The following UHMK1 variants were observed in gnomAD, a reference collection of about 807,000 sequenced individuals.
UHMK1 encodes the protein serine/threonine-protein kinase Kist.
Under a neutral mutation model 44.0 loss-of-function variants are expected in UHMK1, and 18 were observed. That is an observed-to-expected ratio of 0.41 (90% confidence interval 0.28 to 0.61). UHMK1 has a LOEUF of 0.61. Among genes scored for constraint, UHMK1 ranks in the 20% least tolerant of loss-of-function variants. UHMK1 has a pLI of 0.31. For missense variants in UHMK1, 463 were observed against 522.5 expected (o/e 0.89, Z 1.11); for synonymous variants, 231 against 198.5 (o/e 1.16, Z -1.38).
At chr1:162,516,332 G>A (rs939407797) in intron 6 of UHMK1, among the ~76,000 whole-genome samples, 9 of 152,144 alleles carry the variant, frequency 5.9e-5, no homozygotes, top group South Asian at 2.1e-4. Flanking sequence ...CAGCTGTCTT[G>A]TAATCTTGAT....
rs897861669 is a variant in UHMK1, at chr1:162,523,010, T to C, written c.*460T>C. The C allele has an allele frequency of 1.3e-5, 2 of 157,592 alleles. No homozygotes were observed. Among genetic ancestry groups the C allele is most frequent in the African/African-American group, 4.8e-5 (2 of 41,456 alleles). 9.8% of individuals were successfully genotyped at this position (157,592 alleles called of 1,614,324 possible). A position where few individuals can be genotyped will look rare whatever the true frequency, so the allele number is the denominator to read the frequency against. On this transcript the variant is annotated 3_prime_UTR_variant, in exon 8 of 8. Transcript: ENST00000489294. ...TGGCACTGGATGCTCTCAGTAATGT[T>C]AAGTAATTGTCAAGCAGCAGTTACC...
chr1:162,527,857 C>A lies in UHMK1; in HGVS notation c.*5307C>A, dbSNP rs1652303848. 1 of 151,158 alleles carries A rather than the reference C, an allele frequency of 6.6e-6. No individual in the cohort carries two copies. Among genetic ancestry groups the A allele is most frequent in the East Asian group, 1.9e-4 (1 of 5,150 alleles). The allele number at this position is 151,158 out of a possible 1,614,324, so 9.4% of individuals were successfully genotyped here. On this transcript the variant is annotated 3_prime_UTR_variant, in exon 8 of 8. Transcript: ENST00000489294. The stretch of plus-strand genomic sequence containing the variant: ...TAATCGTTTTTTGTGCAGAAGAGAG[C>A]TTATTTTGTTATACTGCTTTGTATA...
intron 6 of UHMK1, among the ~76,000 whole-genome samples, chr1:162,513,487 G>T (rs568157404): frequency 6.6e-6 from 1 of 152,160 alleles, no homozygotes; most frequent in African/African-American, 2.4e-5. Flanking sequence ...GTATAGTAGG[G>T]GATACGGCTA....
intron 7 of UHMK1, among the ~76,000 whole-genome samples, chr1:162,519,425 A>G (rs1318450286): frequency 6.6e-6 from 1 of 152,170 alleles, no homozygotes; most frequent in Non-Finnish European, 1.5e-5. Context: ...TTAGAAAGCC[A>G]ATTAGGTTAG....
chr1:162,499,513 C>T (rs1451744704), intron 1 of UHMK1, among the ~76,000 whole-genome samples: 1 of 152,094 alleles, frequency 6.6e-6, no homozygotes, highest in Admixed American at 6.6e-5. Context: ...TTGGTTTTTG[C>T]GCATTGTGAC....
chr1:162,507,861 C>G (rs1170632166), intron 4 of UHMK1, among the ~76,000 whole-genome samples: 1 of 151,970 alleles, frequency 6.6e-6, no homozygotes, highest in African/African-American at 2.4e-5. Context: ...GTTGTGATTA[C>G]AGGCATGAGC....
At chr1:162,518,945 T>C (rs1651942130) in intron 7 of UHMK1, among the ~76,000 whole-genome samples, 1 of 150,496 alleles carries the variant, frequency 6.6e-6, no homozygotes, top group African/African-American at 2.5e-5. Context: ...GTGGAGGTCA[T>C]GCCACTGCAC....
chr1:162,514,068 G>T (rs2101680516), intron 6 of UHMK1, among the ~76,000 whole-genome samples: 1 of 152,296 alleles, frequency 6.6e-6, no homozygotes, highest in East Asian at 1.9e-4. Context: ...TGAAGCATTT[G>T]CATCAACCTA....
chr1:162,498,355 C>T lies in UHMK1; in HGVS notation c.268+87C>T. The T allele has an allele frequency of 2.7e-6, 4 of 1,469,798 alleles. No homozygotes were observed. The South Asian group carries it at 4.2e-5, about 15-fold the overall frequency. The allele number at this position is 1,469,798 out of a possible 1,614,324, so 91.0% of individuals were successfully genotyped here. A position where few individuals can be genotyped will look rare whatever the true frequency, so the allele number is the denominator to read the frequency against. ...TCGCTGTCTGGCGTTCCATCTTCCT[C>T]CCCTTCTGCGGGAGAAGCGGGTTTA... On this transcript the variant is annotated intron_variant, in intron 1 of 7. Transcript: ENST00000489294.
intron 3 of UHMK1, 104 bp downstream of exon 3, chr1:162,501,208 C>A (rs1022034712): frequency 2.6e-5 from 32 of 1,207,670 alleles, no homozygotes; most frequent in Non-Finnish European, 3.3e-5. Context: ...TTCACTCTTT[C>A]ACCCAGGCTG....
chr1:162,500,369 A>T, intron 2 of UHMK1, 122 bp downstream of exon 2: 2 of 1,119,076 alleles, frequency 1.8e-6, no homozygotes, highest in Non-Finnish European at 2.4e-6. Context: ...AATTACTGAA[A>T]TGCCAGGGGA....
chr1:162,515,098 T>C (rs541000456), intron 6 of UHMK1, among the ~76,000 whole-genome samples: 1 of 152,290 alleles, frequency 6.6e-6, no homozygotes, highest in African/African-American at 2.4e-5. Context: ...CTTCTGCCCA[T>C]AAATTATATC....
chr1:162,529,463 T>C lies in UHMK1; in HGVS notation c.*6913T>C, dbSNP rs1367152634. The C allele has an allele frequency of 2.0e-5, 3 of 152,200 alleles. No individual in the cohort carries two copies. Among genetic ancestry groups the C allele is most frequent in the African/African-American group, 7.2e-5 (3 of 41,464 alleles). 9.4% of individuals were successfully genotyped at this position (152,200 alleles called of 1,614,324 possible). ...GAACAATGCGTTTCAGTTGACTGTATTGCATACTTTTTTGCTGAAGACTTT... is the reference window on the plus strand; with the variant it reads ...GAACAATGCGTTTCAGTTGACTGTACTGCATACTTTTTTGCTGAAGACTTT... On this transcript the variant is annotated 3_prime_UTR_variant, in exon 8 of 8. Transcript: ENST00000489294.
rs762674341 is a variant in UHMK1 at position 162,501,082 on chromosome 1, C to G, written c.731C>G (p.Thr244Arg). 3.1e-6 allele frequency: 5 copies of G among 1,614,024 alleles called. No individual in the cohort carries two copies. In the South Asian group the frequency reaches 5.5e-5, roughly 18 times the overall value. Reference sequence around the variant, plus strand: ...TTCTCAGGAATGAAACTGAAACATACAGTCAGATCTCAGGAATGGAAGGTA... The same window carrying G: ...TTCTCAGGAATGAAACTGAAACATAGAGTCAGATCTCAGGAATGGAAGGTA... The part of the protein sequence containing the change: ...EMFSGMKLKH[T>R]VRSQEWKANS... The change falls in exon 3 of 8, where the codon ACA becomes AGA. Residue 244 changes from threonine (T) to arginine (R), a missense_variant. Around this residue, in one of 3 missense-constraint regions of UHMK1, gnomAD observed 264 missense variants for 326.3 expected, o/e 0.81. Coordinates refer to ENST00000489294, the MANE Select transcript of UHMK1 (RefSeq NM_175866.5).
chr1:162,521,671 C>T (rs542026827), intron 7 of UHMK1, among the ~76,000 whole-genome samples: 7 of 152,142 alleles, frequency 4.6e-5, no homozygotes, highest in Non-Finnish European at 7.4e-5. Flanking sequence ...TGTTGTTGCC[C>T]GGGCTGGAGT....
intron 4 of UHMK1, among the ~76,000 whole-genome samples, chr1:162,506,867 A>G (rs74933664): frequency 6.7e-6 from 1 of 149,546 alleles, no homozygotes; most frequent in African/African-American, 2.5e-5. Flanking sequence ...CTGTCTCAAG[A>G]AAAAAAAAAG....
intron 4 of UHMK1, among the ~76,000 whole-genome samples, chr1:162,511,329 C>T (rs562973923): frequency 7.2e-6 from 1 of 139,564 alleles, no homozygotes; most frequent in East Asian, 2.1e-4. Context: ...ACCACACCAG[C>T]TAATTTTTAA....
rs1467635318 is a variant in UHMK1 at position 162,507,584 on chromosome 1, T to TC, written c.848+3736_848+3737insC. ...CACCACCCCCAACCCATTCTTTCTT[T>TC]TTTTTTTTCTTTTTTTTTGTGATAC... On this transcript the variant is annotated intron_variant, in intron 4 of 7. Coordinates refer to ENST00000489294, the MANE Select transcript of UHMK1 (RefSeq NM_175866.5). Among the ~76,000 whole-genome samples the TC allele has an allele frequency of 5.9e-4, 86 of 146,880 alleles. 1 individual carries two copies. Among genetic ancestry groups the TC allele is most frequent in the Non-Finnish European group, 5.5e-4 (36 of 65,896 alleles).
chr1:162,501,660 C>T (rs1183960246), intron 3 of UHMK1, among the ~76,000 whole-genome samples: 1 of 152,144 alleles, frequency 6.6e-6, no homozygotes, highest in African/African-American at 2.4e-5. Flanking sequence ...TGAATGAATG[C>T]ATTTTCCTGA....
Sources: allele counts gnomAD v4.1 joint callset (sites outside exome capture counted in the v4.1 genomes callset), GRCh38; gene constraint gnomAD v4.1.1; regional missense constraint gnomAD v4.1.1; transcripts MANE v1.5; gene names NCBI Gene and HGNC (gene_info 2026-07-23, HGNC 2026-07-21).